Variants in PCNT observed in about 807,000 individuals in gnomAD.
PCNT encodes the protein pericentrin, also known as kendrin.
A neutral mutation model predicts 380.4 loss-of-function variants in PCNT; 319 were observed. That is an observed-to-expected ratio of 0.84 (90% CI 0.77 to 0.92). PCNT has a LOEUF of 0.92. PCNT is among the 40% of genes least tolerant of loss of function. PCNT has a pLI of 0.00. For missense variants in PCNT, 4,400 were observed against 4,255.3 expected (o/e 1.03, Z -0.95); for synonymous variants, 1,845 against 1,735.2 (o/e 1.06, Z -1.57).
intron 2 of PCNT, 82 bp downstream of exon 2, chr21:46,326,671 G>A: frequency 1.4e-6 from 2 of 1,451,006 alleles, no homozygotes; most frequent in Non-Finnish European, 1.9e-6. Flanking sequence ...ATGGTCTTTG[G>A]TCTGTTTTTG....
Position 46,416,676 on chromosome 21 carries a change from T to C in PCNT, c.6758T>C (p.Leu2253Pro). 1 of 1,563,476 alleles carries C rather than the reference T, an allele frequency of 6.4e-7. No individual in the cohort carries two copies. The highest frequency in any genetic ancestry group is 8.7e-7 in the Non-Finnish European group (1 of 1,155,626). ...ACACCCCACTCAGGAGCCCTGAGCC[T>C]GTGCAGTGCCGACACATCCCTGGGG... ...PVTPHSGALS[L>P]CSADTSLGDR... Residue 2253 changes from leucine (L) to proline (P), a missense_variant, in exon 30 of 47, where the codon CTG (leucine) becomes CCG (proline). Transcript: ENST00000359568.
intron 36 of PCNT, 39 bp downstream of exon 36, chr21:46,430,271 C>T (rs574155871): frequency 1.9e-6 from 3 of 1,564,162 alleles, no homozygotes; most frequent in East Asian, 4.5e-5. Context: ...TGGCGGGAGT[C>T]CCCCCGTTGT....
At position 46,413,025 on chromosome 21, in the gene PCNT, C is replaced by T. The variant is rs13046463; in HGVS notation, c.6150+33C>T. 6,789 of 1,546,926 alleles carry T rather than the reference C, an allele frequency of 4.4e-3. 53 individuals are homozygous for T. Among genetic ancestry groups the T allele is most frequent in the Admixed American group, 7.0e-3 (402 of 57,760 alleles). On this transcript the variant is annotated intron_variant, in intron 29 of 46. Coordinates refer to ENST00000359568, the MANE Select transcript of PCNT (RefSeq NM_006031.6). Reference sequence around the variant, plus strand: ...GAGGGGGGAAGGCGCGAGGTCCCCCCGGGAGAGGCTGGACACGCGGCAGCA... The same window carrying T: ...GAGGGGGGAAGGCGCGAGGTCCCCCTGGGAGAGGCTGGACACGCGGCAGCA...
In PCNT at chr21:46,357,167, T is replaced by A; in HGVS notation, c.2130T>A (p.Thr710=). ...RNLYGKLQHE[T]RLKDDLEKVK... ...TGTATGGGAAGTTGCAGCATGAAAC[T>A]CGTCTGAAGGACGATTTGGAGAAGG... Residue 710 remains threonine, a synonymous_variant, in exon 13 of 47, where the codon ACT becomes ACA. Transcript: ENST00000359568. 1 of 1,613,228 alleles carries A rather than the reference T, an allele frequency of 6.2e-7. No homozygotes were observed. Among genetic ancestry groups the A allele is most frequent in the Non-Finnish European group, 8.5e-7 (1 of 1,179,152 alleles).
At position 46,416,103 on chromosome 21, in the gene PCNT, C is replaced by G. The variant is rs376147151; in HGVS notation, c.6185C>G (p.Pro2062Arg). 1.2e-6 allele frequency: 2 copies of G among 1,614,094 alleles called. No homozygotes were observed. The highest frequency in any genetic ancestry group is 1.7e-6 in the Non-Finnish European group (2 of 1,180,028). The stretch of plus-strand genomic sequence containing the variant: ...AAAGTACTGGAAGATTGTCAGCTGC[C>G]GAAGGTCGATCTCGTAGCTCAGGTG... ...KEKVLEDCQL[P>R]KVDLVAQVKQ... The change falls in exon 30 of 47, where the codon CCG (proline) becomes CGG (arginine). Residue 2062 changes from proline to arginine, a missense_variant. By Grantham distance (103) the Pro-to-Arg change is moderately radical (BLOSUM62 -2). Coordinates refer to ENST00000359568, the MANE Select transcript of PCNT (RefSeq NM_006031.6).
At chr21:46,426,607 C>T (rs2087518414) in intron 33 of PCNT, among the ~76,000 whole-genome samples, 1 of 152,174 alleles carries the variant, frequency 6.6e-6, no homozygotes, top group South Asian at 2.1e-4. Context: ...GGTGACTTGC[C>T]CTCCGGCCTC....
At chr21:46,430,353 G>A (rs775186708) in intron 36 of PCNT, 121 bp downstream of exon 36, 50 of 1,367,544 alleles carry the variant, frequency 3.7e-5, no homozygotes, top group East Asian at 1.7e-4. Flanking sequence ...CAGGGGCACC[G>A]CGCCCTGCTG....
chr21:46,431,759 G>A lies in PCNT; in HGVS notation c.8295G>A (p.Arg2765=). The A allele has an allele frequency of 6.2e-7, 1 of 1,612,614 alleles. No individual in the cohort carries two copies. Among genetic ancestry groups the A allele is most frequent in the Non-Finnish European group, 8.5e-7 (1 of 1,179,960 alleles). ...LELSEALRHE[R]LLTEQLSQRT... is the part of the protein sequence containing the mutation. ...TGTCAGAGGCCTTGCGGCACGAGCGGCTCCTGACCGAGCAGCTGAGCCAGA... is the reference window on the plus strand; with the variant it reads ...TGTCAGAGGCCTTGCGGCACGAGCGACTCCTGACCGAGCAGCTGAGCCAGA... The change falls in exon 38 of 47, where the codon CGG becomes CGA. Residue 2765 remains arginine (R), a synonymous_variant. Coordinates refer to ENST00000359568, the MANE Select transcript of PCNT (RefSeq NM_006031.6).
chr21:46,431,595 G>A lies in PCNT; in HGVS notation c.8131G>A (p.Glu2711Lys), dbSNP rs756579852. The change falls in exon 38 of 47, where the codon GAG becomes AAG. Residue 2711 changes from glutamate (E) to lysine (K), a missense_variant. Coordinates refer to ENST00000359568, the MANE Select transcript of PCNT (RefSeq NM_006031.6). ...TCGACTCTGCGTGGCACTGAAACAC[G>A]AGCAGACGGCCAAGGACAACCTGCA... ...SSRLCVALKHEQTAKDNLQKE... is the reference protein window; with the variant it reads ...SSRLCVALKHKQTAKDNLQKE... The A allele has an allele frequency of 5.0e-6, 8 of 1,614,060 alleles. No homozygotes were observed. The highest frequency in any genetic ancestry group is 6.8e-6 in the Non-Finnish European group (8 of 1,179,962).
At chr21:46,402,569 C>G in intron 27 of PCNT, 86 bp downstream of exon 27, 1 of 1,443,252 alleles carries the variant, frequency 6.9e-7, no homozygotes, top group South Asian at 1.2e-5. Context: ...ATCGGGGAGG[C>G]GAGTCTCTGG....
At chr21:46,344,059 CTT>C (rs2083988840) in intron 3 of PCNT, among the ~76,000 whole-genome samples, 1 of 149,794 alleles carries the variant, frequency 6.7e-6, no homozygotes, top group East Asian at 1.9e-4. Flanking sequence ...TTTATCTTTT[CTT>C]TTCTTTTCTT....
Position 46,425,764 on chromosome 21 carries a change from A to G in PCNT, c.7180-67A>G, listed in dbSNP as rs902723324. Reference sequence around the variant, plus strand: ...AGTCCTGGCGGCAGCTCGGGGCCGCAGGTGGTGTAGAGCGTGGCTGTGTGG... The same window carrying G: ...AGTCCTGGCGGCAGCTCGGGGCCGCGGGTGGTGTAGAGCGTGGCTGTGTGG... On this transcript the variant is annotated intron_variant, in intron 32 of 46. Transcript: ENST00000359568. This position sits in a 1 kb window ranked among gnomAD's most constrained non-coding sequence, Gnocchi z 4.2. 1.9e-6 allele frequency: 3 copies of G among 1,607,382 alleles called. No homozygotes were observed. The highest frequency in any genetic ancestry group is 2.2e-5 in the East Asian group (1 of 44,854).
chr21:46,351,452 T>A lies in PCNT; in HGVS notation c.1368T>A (p.Tyr456Ter). 6.2e-7 allele frequency: 1 copy of A among 1,610,290 alleles called. No homozygotes were observed. The highest frequency in any genetic ancestry group is 2.2e-5 in the East Asian group (1 of 44,874). ...AGTTAGAGAATCTTCAAGCATCATA[T>A]GAAGACCTGAAGGCACAATCACAAG... ...QLELENLQASYEDLKAQSQEE... is the reference protein window; with the variant it reads ...QLELENLQAS Residue 456 changes from tyrosine (Y) to a stop codon, truncating the protein, a stop_gained, in exon 9 of 47, where the codon TAT becomes TAA. Transcript: ENST00000359568. LOFTEE classifies it high-confidence loss of function.
intron 30 of PCNT, 97 bp downstream of exon 30, chr21:46,416,936 C>A: frequency 1.6e-6 from 2 of 1,259,246 alleles, no homozygotes; most frequent in Non-Finnish European, 2.2e-6. Context: ...CTCCTGACAG[C>A]ACACACCTCG....
chr21:46,365,770 A>AGTTCTGTTCACTCCCATAGG (rs2084901895), intron 14 of PCNT, among the ~76,000 whole-genome samples: 1 of 95,968 alleles, frequency 1.0e-5, no homozygotes, highest in African/African-American at 4.0e-5. Context: ...ACTCCCATGG[A>AGTTCTGTTCACTCCCATAGG]GTTCTGTTCA....
At position 46,436,701 on chromosome 21, in the gene PCNT, CATTCCAG is replaced by C. The variant is rs1217591318; in HGVS notation, c.8997-276_8997-270del. Reference sequence around the variant, plus strand: ...ACTTAGGACAGCATTTTAAATCATTCATTCCAGAGGAAAGCCACGGGGCCTGGCAGGC... The same window carrying C: ...ACTTAGGACAGCATTTTAAATCATTCAGGAAAGCCACGGGGCCTGGCAGGC... On this transcript the variant is annotated intron_variant, in intron 39 of 46. Coordinates refer to ENST00000359568, the MANE Select transcript of PCNT (RefSeq NM_006031.6). Among the ~76,000 whole-genome samples, 24 of 152,260 alleles carry C rather than the reference CATTCCAG, an allele frequency of 1.6e-4. 2 individuals carry two copies. Among genetic ancestry groups the C allele is most frequent in the African/African-American group, 5.3e-4 (22 of 41,554 alleles).
intron 15 of PCNT, among the ~76,000 whole-genome samples, chr21:46,376,399 G>A (rs1422747732): frequency 1.3e-5 from 2 of 152,206 alleles, no homozygotes; most frequent in African/African-American, 4.8e-5. Context: ...CCTTTGCTGG[G>A]CACCGGGAGC....
chr21:46,341,991 G>A (rs1014822787), intron 3 of PCNT, among the ~76,000 whole-genome samples: 3 of 147,500 alleles, frequency 2.0e-5, no homozygotes, highest in African/African-American at 5.1e-5. Context: ...GCCCAGCCTC[G>A]AGTGTGGTGA....
intron 27 of PCNT, 35 bp downstream of exon 27, chr21:46,402,518 C>A (rs1331196062): frequency 1.2e-6 from 2 of 1,612,078 alleles, no homozygotes; most frequent in Middle Eastern, 1.7e-4. Flanking sequence ...CGCCCGAGTT[C>A]ATGTTGCTTA....
Sources: allele counts gnomAD v4.1 joint callset (sites outside exome capture counted in the v4.1 genomes callset), GRCh38; gene constraint gnomAD v4.1.1; non-coding constraint Gnocchi (gnomAD v3.1); transcripts MANE v1.5; gene names NCBI Gene and HGNC (gene_info 2026-07-23, HGNC 2026-07-21).